The following HSD17B2 variants were observed in gnomAD, a reference collection of about 807,000 sequenced individuals.
HSD17B2 encodes 17-beta-hydroxysteroid dehydrogenase type 2.
HSD17B2 carries 32 observed loss-of-function variants against 26.9 expected under a neutral mutation model. That is an observed-to-expected ratio of 1.19 (90% confidence interval 0.90 to 1.60). The LOEUF is 1.60. Among genes scored for constraint, HSD17B2 ranks in the 40% most tolerant of loss-of-function variants. The pLI, the probability that HSD17B2 is intolerant of heterozygous loss-of-function variation, is 0.00. For synonymous variants in HSD17B2, 246 were observed against 186.7 expected (o/e 1.32, Z -2.59); for missense variants, 613 against 468.6 (o/e 1.31, Z -2.85).
intron 1 of HSD17B2, among the ~76,000 whole-genome samples, chr16:82,053,639 C>T (rs143744728): frequency 1.6e-4 from 25 of 152,186 alleles, no homozygotes; most frequent in African/African-American, 2.6e-4. Context: ...AGCACCTAGC[C>T]CAGCATGGGG....
chr16:82,045,736 C>A (rs1913907283), intron 1 of HSD17B2, among the ~76,000 whole-genome samples: 1 of 152,234 alleles, frequency 6.6e-6, no homozygotes, highest in South Asian at 2.1e-4. Flanking sequence ...CAGCTTAATC[C>A]CAGTTTTCAC....
At chr16:82,084,684 G>A (rs539460508) in intron 3 of HSD17B2, among the ~76,000 whole-genome samples, 2 of 152,186 alleles carry the variant, frequency 1.3e-5, no homozygotes, top group South Asian at 2.1e-4. Flanking sequence ...TCCAGAAATC[G>A]CAGAGTAAAC....
intron 4 of HSD17B2, chr16:82,095,172 C>T (rs2955162): frequency 0.25 from 37,661 of 152,024 alleles, 4,833 homozygotes; most frequent in South Asian, 0.35. Flanking sequence ...GGTGTCAGCC[C>T]ACGAAGACAG....
rs751936653 is a variant in HSD17B2, at chr16:82,068,198, G to T, written c.294G>T (p.Leu98Phe). The change falls in exon 2 of 5, where the codon TTG becomes TTT. Residue 98 changes from leucine (L) to phenylalanine (F), a missense_variant. Leu to Phe is a conservative substitution (Grantham distance 22). Coordinates refer to ENST00000199936, the MANE Select transcript of HSD17B2 (RefSeq NM_002153.3). ...TGGDCGLGHA[L>F]CKYLDELGFT... ...GTGATTGCGGGCTTGGCCATGCTTT[G>T]TGCAAGTATCTGGATGAGCTGGGCT... 1.9e-6 allele frequency: 3 copies of T among 1,614,140 alleles called. No homozygotes were observed. Among genetic ancestry groups the T allele is most frequent in the Non-Finnish European group, 2.5e-6 (3 of 1,180,032 alleles).
At chr16:82,047,959 C>T (rs1433790203) in intron 1 of HSD17B2, among the ~76,000 whole-genome samples, 1 of 152,150 alleles carries the variant, frequency 6.6e-6, no homozygotes, top group Non-Finnish European at 1.5e-5. Context: ...AACCATAGGT[C>T]TTGCGAGACT....
chr16:82,051,981 C>G (rs532808581), intron 1 of HSD17B2, among the ~76,000 whole-genome samples: 39 of 152,364 alleles, frequency 2.6e-4, no homozygotes, highest in African/African-American at 9.4e-4. Flanking sequence ...AGGTCTCTAT[C>G]AAGGGCTCAC....
Position 82,068,158 on chromosome 16 carries a change from G to T in HSD17B2, c.266-12G>T. 1 of 1,613,020 alleles carries T rather than the reference G, an allele frequency of 6.2e-7. No individual in the cohort carries two copies. ...GTTTGACCTCACTCCCTACTCCCCT[G>T]ACCCTATGCAGGTGGTGATTGCGGG... On this transcript the variant is annotated splice_polypyrimidine_tract_variant and intron_variant, in intron 1 of 4. Transcript: ENST00000199936.
chr16:82,079,910 T>A (rs913948571), intron 3 of HSD17B2, among the ~76,000 whole-genome samples: 1 of 152,164 alleles, frequency 6.6e-6, no homozygotes, highest in Non-Finnish European at 1.5e-5. Context: ...GGGAGTTCAT[T>A]GCTGTTATTT....
intron 3 of HSD17B2, among the ~76,000 whole-genome samples, chr16:82,086,777 G>A (rs1031616259): frequency 1.3e-5 from 2 of 152,190 alleles, no homozygotes; most frequent in African/African-American, 4.8e-5. Context: ...CACAAATCGT[G>A]TGGCCTAAAC....
In HSD17B2 at chr16:82,054,872, CT is replaced by C. The variant is rs138882712; in HGVS notation, c.266-13297del. Among the ~76,000 whole-genome samples the C allele has an allele frequency of 7.9e-3, 1,196 of 152,338 alleles. 18 individuals carry two copies. Among genetic ancestry groups the C allele is most frequent in the African/African-American group, 0.026 (1,065 of 41,576 alleles). ...AAGTCACACCTTGGTTCAAAACTTT[CT>C]GATGATATCTCTCGTCACATTTTAC... is the stretch of plus-strand genomic sequence containing the variant. On this transcript the variant is annotated intron_variant, in intron 1 of 4. Coordinates refer to ENST00000199936, the MANE Select transcript of HSD17B2 (RefSeq NM_002153.3).
rs140475034 is a variant in HSD17B2 at position 82,068,390 on chromosome 16, C to T, written c.478+8C>T. 159 of 1,601,492 alleles carry T rather than the reference C, an allele frequency of 9.9e-5. 1 individual carries two copies. Among genetic ancestry groups the T allele is most frequent in the East Asian group, 8.5e-4 (38 of 44,728 alleles). Reference sequence around the variant, plus strand: ...CAATGCTGCAGGACAGAGGTACTGCCGCCAGCACCCTCAGTGCCTTTACCC... The same window carrying T: ...CAATGCTGCAGGACAGAGGTACTGCTGCCAGCACCCTCAGTGCCTTTACCC... On this transcript the variant is annotated splice_region_variant and intron_variant, in intron 2 of 4. Transcript: ENST00000199936.
intron 3 of HSD17B2, among the ~76,000 whole-genome samples, chr16:82,080,506 G>A (rs1241185513): frequency 2.0e-5 from 3 of 152,130 alleles, no homozygotes; most frequent in Non-Finnish European, 4.4e-5. Context: ...AAAGTCAAGG[G>A]AACTAGTTCT....
At chr16:82,091,349 G>A in intron 4 of HSD17B2, 1 of 367,534 alleles carries the variant, frequency 2.7e-6, no homozygotes, top group Non-Finnish European at 5.1e-6. Context: ...CCATGCAGAG[G>A]GGCCAGCTGT....
At position 82,035,553 on chromosome 16, in the gene HSD17B2, C is replaced by T. The variant is rs1338760006; in HGVS notation, c.129C>T (p.Gly43=). The T allele has an allele frequency of 9.3e-6, 15 of 1,613,966 alleles. No homozygotes were observed. The highest frequency in any genetic ancestry group is 1.3e-5 in the African/African-American group (1 of 74,914). ...QLWSWMVCLA[G]LCAVCLLILS... ...GGAGCTGGATGGTCTGCCTGGCAGG[C>T]CTCTGTGCAGTCTGCCTGCTCATCC... Residue 43 remains glycine (G), a synonymous_variant, in exon 1 of 5, where the codon GGC becomes GGT. Coordinates refer to ENST00000199936, the MANE Select transcript of HSD17B2 (RefSeq NM_002153.3).
intron 3 of HSD17B2, among the ~76,000 whole-genome samples, chr16:82,075,811 T>C (rs549881230): frequency 4.1e-4 from 62 of 151,546 alleles, no homozygotes; most frequent in African/African-American, 1.5e-3. Flanking sequence ...ATACCGATTG[T>C]ACTCGAGTAT....
chr16:82,041,351 A>T (rs906638917), intron 1 of HSD17B2, among the ~76,000 whole-genome samples: 1 of 152,186 alleles, frequency 6.6e-6, no homozygotes, highest in Non-Finnish European at 1.5e-5. Flanking sequence ...CTGCCCACTC[A>T]CTTAGGTACT....
intron 1 of HSD17B2, among the ~76,000 whole-genome samples, chr16:82,056,223 A>T (rs1914262522): frequency 6.6e-6 from 1 of 152,222 alleles, no homozygotes; most frequent in Non-Finnish European, 1.5e-5. Context: ...ATAAAACCTT[A>T]GATAATGATA....
intron 1 of HSD17B2, among the ~76,000 whole-genome samples, chr16:82,066,426 G>A (rs1376291817): frequency 2.6e-5 from 4 of 152,146 alleles, no homozygotes; most frequent in Non-Finnish European, 5.9e-5. Context: ...GTTCGCACAT[G>A]CCAACCATGC....
chr16:82,085,876 A>G (rs1056410663), intron 3 of HSD17B2, among the ~76,000 whole-genome samples: 2 of 152,192 alleles, frequency 1.3e-5, no homozygotes, highest in Admixed American at 1.3e-4. Flanking sequence ...CAAAACCTCA[A>G]TAAGATAACA....
Sources: allele counts gnomAD v4.1 joint callset (sites outside exome capture counted in the v4.1 genomes callset), GRCh38; gene constraint gnomAD v4.1.1; transcripts MANE v1.5; gene names NCBI Gene and HGNC (gene_info 2026-07-23, HGNC 2026-07-21).